ALS2: variants seen among roughly 807,000 people sequenced by gnomAD.
ALS2 encodes the protein alsin Rho guanine nucleotide exchange factor ALS2.
In ALS2, 117 loss-of-function variants were observed where a neutral mutation model predicts 203.4. That is an observed-to-expected ratio of 0.58 (90% CI 0.50 to 0.67). The LOEUF (loss-of-function observed/expected upper bound fraction) is 0.67, where lower values mean the gene tolerates loss of function less well. Among genes scored for constraint, ALS2 ranks in the 30% least tolerant of loss-of-function variants. The pLI is 0.00. For missense variants in ALS2, 1,715 were observed against 1,989.4 expected (o/e 0.86, Z 2.62); for synonymous variants, 718 against 725.9 (o/e 0.99, Z 0.17).
At chr2:201,758,846 G>A (rs1471826920) in intron 4 of ALS2, among the ~76,000 whole-genome samples, 1 of 151,930 alleles carries the variant, frequency 6.6e-6, no homozygotes, top group African/African-American at 2.4e-5. Context: ...CTGGTACCTA[G>A]CGAAGTGCCT....
In ALS2 at chr2:201,713,197, C is replaced by T. The variant is rs546631097; in HGVS notation, c.4005-2089G>A. Among the ~76,000 whole-genome samples, 3 of 129,256 alleles carry T rather than the reference C, an allele frequency of 2.3e-5. No individual in the cohort carries two copies. The South Asian group carries it at 7.1e-4, about 31-fold the overall frequency. 84.8% of individuals were successfully genotyped at this position (129,256 alleles called of 152,430 possible). A position where few individuals can be genotyped will look rare whatever the true frequency, so the allele number is the denominator to read the frequency against. On this transcript the variant is annotated intron_variant, in intron 25 of 33. Coordinates refer to ENST00000264276, the MANE Select transcript of ALS2 (RefSeq NM_020919.4). ...TTTTGCCCAGGCTGGAGTGCAATGG[C>T]GCTATCTCGGCTCACTGCAACCTCC...
At chr2:201,753,722 A>G (rs1487773537) in intron 6 of ALS2, among the ~76,000 whole-genome samples, 3 of 152,340 alleles carry the variant, frequency 2.0e-5, no homozygotes, top group Admixed American at 6.5e-5. Context: ...TTACCCTAAT[A>G]TATGTGAATA....
At chr2:201,735,373 T>C (rs757659597) in intron 12 of ALS2, among the ~76,000 whole-genome samples, 1 of 152,184 alleles carries the variant, frequency 6.6e-6, no homozygotes, top group South Asian at 2.1e-4. Flanking sequence ...AATATGACAT[T>C]ACATATATTT....
intron 3 of ALS2, chr2:201,763,189 G>T: frequency 4.6e-6 from 1 of 218,802 alleles, no homozygotes; most frequent in South Asian, 7.3e-5. Flanking sequence ...ATGTCCCCGT[G>T]CACAGAGGCT....
intron 25 of ALS2, among the ~76,000 whole-genome samples, chr2:201,713,688 G>A (rs1021307943): frequency 4.6e-5 from 7 of 152,036 alleles, no homozygotes; most frequent in African/African-American, 1.7e-4. Context: ...CTGTTTCTTT[G>A]CTGATACATT....
At position 201,715,657 on chromosome 2, in the gene ALS2, C is replaced by G; in HGVS notation, c.4004+15G>C. 6.2e-7 allele frequency: 1 copy of G among 1,614,114 alleles called. No individual in the cohort carries two copies. Among genetic ancestry groups the G allele is most frequent in the East Asian group, 2.2e-5 (1 of 44,868 alleles). On this transcript the variant is annotated intron_variant, in intron 25 of 33. Transcript: ENST00000264276. ...CTAACATGCTCTGCTGTATGTTGAG[C>G]AGGTGTTCACTCACCTGTCTCTGTG...
At chr2:201,739,612 G>A (rs552135978) in intron 11 of ALS2, among the ~76,000 whole-genome samples, 8 of 151,882 alleles carry the variant, frequency 5.3e-5, no homozygotes, top group Middle Eastern at 3.4e-3. Context: ...GCGCGGTGGC[G>A]GATGCCTGTA....
At chr2:201,733,930 A>G (rs1691725694) in intron 12 of ALS2, among the ~76,000 whole-genome samples, 1 of 152,192 alleles carries the variant, frequency 6.6e-6, no homozygotes. Context: ...ATCACCTAAC[A>G]AGAGTTTATT....
Position 201,724,437 on chromosome 2 carries a change from C to T in ALS2, c.3370G>A (p.Glu1124Lys), listed in dbSNP as rs1226366041. ...CGCATATTATCTTGAAAACAGCCCT[C>T]AAATACTTCACCAGAAGCATAGCTG... ...VYSYASGEVFEGCFQDNMRHG... is the reference protein window; with the variant it reads ...VYSYASGEVFKGCFQDNMRHG... The change falls in exon 21 of 34, where the codon GAG becomes AAG. Residue 1124 changes from glutamate (E) to lysine (K), a missense_variant. Coordinates refer to ENST00000264276, the MANE Select transcript of ALS2 (RefSeq NM_020919.4). 1.2e-6 allele frequency: 2 copies of T among 1,614,072 alleles called. No individual in the cohort carries two copies. Among genetic ancestry groups the T allele is most frequent in the East Asian group, 2.2e-5 (1 of 44,858 alleles).
intron 7 of ALS2, among the ~76,000 whole-genome samples, chr2:201,750,022 T>C (rs1443161885): frequency 6.6e-6 from 1 of 152,046 alleles, no homozygotes; most frequent in Non-Finnish European, 1.5e-5. Flanking sequence ...AAAAATTAGC[T>C]GGGCATGGTG....
intron 7 of ALS2, among the ~76,000 whole-genome samples, chr2:201,750,488 C>CCTACTCTGTAGGAAAGTA (rs970762439): frequency 1.3e-5 from 2 of 152,080 alleles, no homozygotes; most frequent in African/African-American, 4.8e-5. Flanking sequence ...ATCATGATTT[C>CCTACTCTGTAGGAAAGTA]CTACTCTGTA....
At chr2:201,776,368 G>A (rs1416349466) in intron 1 of ALS2, among the ~76,000 whole-genome samples, 1 of 152,086 alleles carries the variant, frequency 6.6e-6, no homozygotes. Flanking sequence ...AATTATTCAT[G>A]GTGGAGTGGG....
intron 4 of ALS2, among the ~76,000 whole-genome samples, chr2:201,758,550 GA>G (rs1559080581): frequency 6.6e-6 from 1 of 152,202 alleles, no homozygotes; most frequent in Non-Finnish European, 1.5e-5. Context: ...AAAATCAGTT[GA>G]AATTTACTCT....
chr2:201,723,871 C>A (rs1396285128), intron 21 of ALS2, among the ~76,000 whole-genome samples: 1 of 152,198 alleles, frequency 6.6e-6, no homozygotes, highest in Non-Finnish European at 1.5e-5. Context: ...AATCCCAGCA[C>A]TTTGGGAGGC....
At chr2:201,773,790 G>C (rs923305225) in intron 1 of ALS2, among the ~76,000 whole-genome samples, 2 of 152,176 alleles carry the variant, frequency 1.3e-5, no homozygotes, top group Admixed American at 1.3e-4. Context: ...CTGGAAGTTG[G>C]ATAGGATGAG....
intron 23 of ALS2, among the ~76,000 whole-genome samples, chr2:201,719,068 A>G (rs1690588182): frequency 1.3e-5 from 2 of 152,234 alleles, no homozygotes; most frequent in Admixed American, 1.3e-4. Flanking sequence ...ATTTAACTAG[A>G]TTAATCAAGA....
At chr2:201,738,500 A>C in intron 12 of ALS2, 170 bp downstream of exon 12, 1 of 656,950 alleles carries the variant, frequency 1.5e-6, no homozygotes, top group Admixed American at 2.5e-5. Context: ...TATAATGATA[A>C]CCAGTGGCTA....
Position 201,754,517 on chromosome 2 carries a change from G to C in ALS2, c.1626C>G (p.Gly542=). The change falls in exon 6 of 34, where the codon GGC becomes GGG. Residue 542 remains glycine, a synonymous_variant. Coordinates refer to ENST00000264276, the MANE Select transcript of ALS2 (RefSeq NM_020919.4). ...GKGKEGQLGH[G]DVLPRLQPLC... is the part of the protein sequence containing the mutation. ...GTAGCGCTTACCTAGGCAGAACATC[G>C]CCGTGCCCCAGCTGCCCTTCCTTCC... 6.2e-7 allele frequency: 1 copy of C among 1,613,986 alleles called. No homozygotes were observed. Among genetic ancestry groups the C allele is most frequent in the Non-Finnish European group, 8.5e-7 (1 of 1,179,968 alleles).
chr2:201,736,325 A>C (rs1324370313), intron 12 of ALS2, among the ~76,000 whole-genome samples: 1 of 152,082 alleles, frequency 6.6e-6, no homozygotes, highest in African/African-American at 2.4e-5. Context: ...TAAAGGCCAA[A>C]CCCCTATATT....
Sources: gnomAD v4.1 joint callset for allele counts (sites outside exome capture counted in the v4.1 genomes callset) on GRCh38, gnomAD v4.1.1 for gene constraint, MANE v1.5 for transcripts, NCBI Gene and HGNC (gene_info 2026-07-23, HGNC 2026-07-21) for gene names.